The following TFDP2 variants were observed in gnomAD, a reference collection of about 807,000 sequenced individuals.
TFDP2 encodes transcription factor Dp-2 (E2F dimerization partner 2).
Under a neutral mutation model 59.3 loss-of-function variants are expected in TFDP2, and 17 were observed. The ratio of observed to expected loss-of-function variants is 0.29; its 90% CI spans 0.20 to 0.43. The LOEUF is 0.43. Among genes scored for constraint, TFDP2 ranks in the 20% least tolerant of loss-of-function variants. TFDP2 has a pLI of 1.00. For synonymous variants in TFDP2, 180 were observed against 194.7 expected (o/e 0.92, Z 0.63); for missense variants, 391 against 528.8 (o/e 0.74, Z 2.56).
At chr3:142,124,164 T>C (rs960972015) in intron 1 of TFDP2, among the ~76,000 whole-genome samples, 2 of 152,148 alleles carry the variant, frequency 1.3e-5, no homozygotes, top group African/African-American at 4.8e-5. Context: ...CAATACTAAC[T>C]GCCCCCAAAT....
At chr3:142,133,219 T>C (rs73236023) in intron 1 of TFDP2, among the ~76,000 whole-genome samples, 1 of 149,400 alleles carries the variant, frequency 6.7e-6, no homozygotes, top group African/African-American at 2.6e-5. Context: ...AATACAAGTA[T>C]TTTTTGAGGA....
intron 3 of TFDP2, among the ~76,000 whole-genome samples, chr3:142,052,968 C>T (rs1345400444): frequency 1.3e-5 from 2 of 152,008 alleles, no homozygotes; most frequent in African/African-American, 4.8e-5. Context: ...TGCCACTACG[C>T]CCGGCTATTT....
chr3:142,068,567 CTTTT>C lies in TFDP2; in HGVS notation c.82+24490_82+24493del, dbSNP rs1020201040. ...TTGTATGTTGTGTCATTATTTCTCA[CTTTT>C]TTTTTTTTTTAGAAAGGGTCTCACT... On this transcript the variant is annotated intron_variant, in intron 3 of 12. Transcript: ENST00000489671. Among the ~76,000 whole-genome samples, 7 of 144,216 alleles carry C rather than the reference CTTTT, an allele frequency of 4.9e-5. No individual in the cohort carries two copies. In the South Asian group the frequency reaches 1.5e-3, roughly 32 times the overall value. The allele number at this position is 144,216 out of a possible 152,430, so 94.6% of individuals were successfully genotyped here.
In TFDP2 at chr3:141,946,303, G is replaced by A. The variant is rs56174413; in HGVS notation, c.*6210C>T. ...AGGCCTGACCCTGAGCATCAGCTACGTTGGCCTCCAATGCAGCTATAAGCA... is the reference window on the plus strand; with the variant it reads ...AGGCCTGACCCTGAGCATCAGCTACATTGGCCTCCAATGCAGCTATAAGCA... On this transcript the variant is annotated 3_prime_UTR_variant, in exon 13 of 13. Coordinates refer to ENST00000489671, the MANE Select transcript of TFDP2 (RefSeq NM_001178139.2). The A allele has an allele frequency of 0.064, 9,745 of 152,304 alleles. 402 individuals are homozygous for A. The highest frequency in any genetic ancestry group is 0.16 in the East Asian group (830 of 5,172). The allele number at this position is 152,304 out of a possible 1,614,324, so 9.4% of individuals were successfully genotyped here. A position where few individuals can be genotyped will look rare whatever the true frequency, so the allele number is the denominator to read the frequency against.
At chr3:142,122,951 C>T (rs1021044379) in intron 1 of TFDP2, among the ~76,000 whole-genome samples, 1 of 151,684 alleles carries the variant, frequency 6.6e-6, no homozygotes, top group Non-Finnish European at 1.5e-5. Context: ...AGTATGATTA[C>T]GTTTATATAA....
At chr3:142,075,297 A>G (rs1250868774) in intron 3 of TFDP2, among the ~76,000 whole-genome samples, 1 of 152,240 alleles carries the variant, frequency 6.6e-6, no homozygotes, top group Non-Finnish European at 1.5e-5. Flanking sequence ...ATATCTGCAA[A>G]TGATATATCT....
chr3:141,950,558 T>C lies in TFDP2; in HGVS notation c.*1955A>G, dbSNP rs1304587392. 3 of 152,682 alleles carry C rather than the reference T, an allele frequency of 2.0e-5. No individual in the cohort carries two copies. The highest frequency in any genetic ancestry group is 4.4e-5 in the Non-Finnish European group (3 of 68,048). 9.5% of individuals were successfully genotyped at this position (152,682 alleles called of 1,614,324 possible). Reference sequence around the variant, plus strand: ...AAGGAATGGTTATCATTAGTGCACCTGTCTTAAATCCTGAAATGCATCTTG... The same window carrying C: ...AAGGAATGGTTATCATTAGTGCACCCGTCTTAAATCCTGAAATGCATCTTG... On this transcript the variant is annotated 3_prime_UTR_variant, in exon 13 of 13. Coordinates refer to ENST00000489671, the MANE Select transcript of TFDP2 (RefSeq NM_001178139.2).
chr3:141,987,935 C>A (rs1278249326), intron 6 of TFDP2, among the ~76,000 whole-genome samples: 2 of 100,352 alleles, frequency 2.0e-5, no homozygotes, highest in African/African-American at 1.1e-4. Context: ...CAAGACCCTG[C>A]CTCAAAAAAA....
At chr3:142,062,376 CAT>C (rs199776520) in intron 3 of TFDP2, among the ~76,000 whole-genome samples, 27 of 134,210 alleles carry the variant, frequency 2.0e-4, no homozygotes, top group South Asian at 4.8e-4. Flanking sequence ...TATATATACA[CAT>C]ATATATATAT....
Position 141,982,227 on chromosome 3 carries a change from A to T in TFDP2, c.357-3545T>A, listed in dbSNP as rs543998691. On this transcript the variant is annotated intron_variant, in intron 6 of 12. Coordinates refer to ENST00000489671, the MANE Select transcript of TFDP2 (RefSeq NM_001178139.2). ...TATTTTGGATATATTGGACTAAATT[A>T]AAAATATTAAAATTAACTTCAGATA... 5.3e-5 allele frequency among the ~76,000 whole-genome samples: 8 copies of T among 152,326 alleles called. No homozygotes were observed. The East Asian group carries it at 1.5e-3, about 29-fold the overall frequency.
chr3:142,039,024 C>G (rs547863873), intron 3 of TFDP2, among the ~76,000 whole-genome samples: 1 of 152,090 alleles, frequency 6.6e-6, no homozygotes, highest in Non-Finnish European at 1.5e-5. Flanking sequence ...TATGATACTG[C>G]GCAAATTATC....
intron 3 of TFDP2, among the ~76,000 whole-genome samples, chr3:142,012,015 CTTT>C (rs1248723479): frequency 7.2e-6 from 1 of 138,218 alleles, no homozygotes. Context: ...TTCTTTCTTT[CTTT>C]TTTTTTTTTT....
chr3:141,962,103 C>T (rs999906917), intron 10 of TFDP2, among the ~76,000 whole-genome samples: 3 of 152,030 alleles, frequency 2.0e-5, no homozygotes, highest in African/African-American at 7.2e-5. Flanking sequence ...TGTGCATCAT[C>T]ACGCTAATTT....
intron 1 of TFDP2, among the ~76,000 whole-genome samples, chr3:142,102,205 G>T (rs11916834): frequency 0.046 from 7,033 of 152,198 alleles, 582 homozygotes; most frequent in African/African-American, 0.16. Flanking sequence ...GTAAGGAAGG[G>T]CTCAAAAAAT....
chr3:141,963,781 GC>G, intron 10 of TFDP2, 30 bp downstream of exon 10: 1 of 1,602,282 alleles, frequency 6.2e-7, no homozygotes, highest in Non-Finnish European at 8.5e-7. Flanking sequence ...CAGAAGGCCA[GC>G]CCTGCACCCA....
chr3:142,040,178 C>T (rs891780705), intron 3 of TFDP2, among the ~76,000 whole-genome samples: 5 of 151,940 alleles, frequency 3.3e-5, no homozygotes, highest in East Asian at 1.9e-4. Flanking sequence ...ATCAACAGAA[C>T]GAGACTCATT....
At chr3:142,000,937 T>C (rs79636424) in intron 4 of TFDP2, among the ~76,000 whole-genome samples, 11,219 of 152,198 alleles carry the variant, frequency 0.074, 518 homozygotes, top group African/African-American at 0.13. Flanking sequence ...CCCACCCCCA[T>C]GACTTTATTG....
chr3:142,051,232 A>G (rs1476477519), intron 3 of TFDP2, among the ~76,000 whole-genome samples: 1 of 152,158 alleles, frequency 6.6e-6, no homozygotes, highest in East Asian at 1.9e-4. Flanking sequence ...CTACCCCCCA[A>G]GTTGTGACAA....
At chr3:142,127,331 A>G (rs2062310700) in intron 1 of TFDP2, among the ~76,000 whole-genome samples, 5 of 131,448 alleles carry the variant, frequency 3.8e-5, no homozygotes, top group Non-Finnish European at 6.3e-5. Context: ...TTTTTGAGAC[A>G]GAGTCTCGCT....
Sources: allele counts gnomAD v4.1 joint callset (sites outside exome capture counted in the v4.1 genomes callset), GRCh38; gene constraint gnomAD v4.1.1; transcripts MANE v1.5; gene names NCBI Gene and HGNC (gene_info 2026-07-23, HGNC 2026-07-21).